Variants in ABCC1 observed in about 807,000 individuals in gnomAD.
ABCC1 encodes multidrug resistance-associated protein 1.
A neutral mutation model predicts 172.9 loss-of-function variants in ABCC1; 83 were observed. That is an observed-to-expected ratio of 0.48 (90% CI 0.40 to 0.58). The LOEUF (loss-of-function observed/expected upper bound fraction) is 0.58, where lower values mean the gene tolerates loss of function less well. Among genes scored for constraint, ABCC1 ranks in the 20% least tolerant of loss-of-function variants. The pLI is 0.00. For missense variants in ABCC1, 1,817 were observed against 2,002.7 expected (o/e 0.91, Z 1.77); for synonymous variants, 937 against 825.2 (o/e 1.14, Z -2.32).
At chr16:15,956,812 G>T (rs2046008162) in intron 1 of ABCC1, among the ~76,000 whole-genome samples, 1 of 152,140 alleles carries the variant, frequency 6.6e-6, no homozygotes, top group Non-Finnish European at 1.5e-5. Flanking sequence ...TAAGGAGGAG[G>T]AGGAAGGGGA....
At chr16:16,032,098 C>G (rs1567330824) in intron 5 of ABCC1, among the ~76,000 whole-genome samples, 1 of 152,060 alleles carries the variant, frequency 6.6e-6, no homozygotes, top group Non-Finnish European at 1.5e-5. Context: ...TCAAGCGATT[C>G]TCTTGCCTCA....
At chr16:16,052,412 T>C (rs951086832) in intron 10 of ABCC1, among the ~76,000 whole-genome samples, 19 of 149,972 alleles carry the variant, frequency 1.3e-4, no homozygotes, top group Admixed American at 7.4e-4. Flanking sequence ...CTGGGCAACA[T>C]AGCGAGACCT....
chr16:16,021,195 A>G (rs1209937465), intron 5 of ABCC1, among the ~76,000 whole-genome samples: 3 of 152,318 alleles, frequency 2.0e-5, no homozygotes, highest in South Asian at 2.1e-4. Context: ...GAGGCCTCAC[A>G]GGACATCAGA....
At chr16:16,103,257 A>G (rs1207713073) in intron 20 of ABCC1, among the ~76,000 whole-genome samples, 2 of 152,126 alleles carry the variant, frequency 1.3e-5, no homozygotes, top group Non-Finnish European at 2.9e-5. Context: ...TAGCGTATGC[A>G]GTATATTAAC....
chr16:15,980,923 G>A (rs28852806), intron 1 of ABCC1, among the ~76,000 whole-genome samples: 1 of 152,184 alleles, frequency 6.6e-6, no homozygotes, highest in Non-Finnish European at 1.5e-5. Flanking sequence ...AGATACAATA[G>A]GAGTACAAGC....
At chr16:16,035,397 T>C (rs1181822360) in intron 6 of ABCC1, among the ~76,000 whole-genome samples, 1 of 152,122 alleles carries the variant, frequency 6.6e-6, no homozygotes, top group Admixed American at 6.6e-5. Flanking sequence ...GAAAGATTAA[T>C]ATAATAAAAC....
chr16:15,966,143 G>A (rs1259241964), intron 1 of ABCC1, among the ~76,000 whole-genome samples: 2 of 151,970 alleles, frequency 1.3e-5, no homozygotes, highest in African/African-American at 2.4e-5. Flanking sequence ...AGCAGGGCGC[G>A]GTGGCTCACG....
At chr16:16,069,523 T>C (rs1365270581) in intron 13 of ABCC1, among the ~76,000 whole-genome samples, 7 of 152,114 alleles carry the variant, frequency 4.6e-5, no homozygotes, top group Non-Finnish European at 7.3e-5. Flanking sequence ...CTGCACTGTT[T>C]TCACATTCTT....
At chr16:16,030,972 C>G (rs1040547892) in intron 5 of ABCC1, among the ~76,000 whole-genome samples, 2 of 152,040 alleles carry the variant, frequency 1.3e-5, no homozygotes, top group African/African-American at 2.4e-5. Context: ...CTCAGCCTCC[C>G]GAGTAGCTGA....
At chr16:16,037,861 C>T (rs937113427) in intron 7 of ABCC1, among the ~76,000 whole-genome samples, 3 of 152,200 alleles carry the variant, frequency 2.0e-5, no homozygotes, top group Admixed American at 2.0e-4. Context: ...TGACTCCGGT[C>T]GGAGGCTGTT....
rs1271937100 is a variant in ABCC1 at position 16,044,627 on chromosome 16, C to A, written c.987C>A (p.Phe329Leu). Residue 329 changes from phenylalanine (F) to leucine (L), a missense_variant, in exon 8 of 31, where the codon TTC becomes TTA. Coordinates refer to ENST00000399410, the MANE Select transcript of ABCC1 (RefSeq NM_004996.4). ...TTGGGCCCTACTTCCTCATGAGCTT[C>A]TTCTTCAAGGCCATCCACGACCTGA... ...KTFGPYFLMS[F>L]FFKAIHDLMM... 1 of 1,614,160 alleles carries A rather than the reference C, an allele frequency of 6.2e-7. No individual in the cohort carries two copies. The highest frequency in any genetic ancestry group is 1.1e-5 in the South Asian group (1 of 91,086).
At chr16:16,116,655 C>A (rs1037470903) in intron 23 of ABCC1, among the ~76,000 whole-genome samples, 1 of 151,984 alleles carries the variant, frequency 6.6e-6, no homozygotes, top group Non-Finnish European at 1.5e-5. Flanking sequence ...ATCTGCCTCC[C>A]GGGTTCAAGT....
intron 20 of ABCC1, chr16:16,106,474 G>C (rs896281166): frequency 4.2e-5 from 13 of 312,946 alleles, no homozygotes; most frequent in Non-Finnish European, 7.5e-5. Context: ...CTTTTTGCAG[G>C]CCCCCAGAGA....
chr16:16,141,387 C>A lies in ABCC1; in HGVS notation c.*106C>A. 1 of 1,040,324 alleles carries A rather than the reference C, an allele frequency of 9.6e-7. No homozygotes were observed. The highest frequency in any genetic ancestry group is 1.4e-6 in the Non-Finnish European group (1 of 702,142). 64.4% of individuals were successfully genotyped at this position (1,040,324 alleles called of 1,614,324 possible). On this transcript the variant is annotated 3_prime_UTR_variant, in exon 31 of 31. Transcript: ENST00000399410. ...CAAGCCTCCCACACTGAAACCAAAACATAAAAACCAAACCCAGACAACCAA... is the reference window on the plus strand; with the variant it reads ...CAAGCCTCCCACACTGAAACCAAAAAATAAAAACCAAACCCAGACAACCAA...
chr16:15,963,375 A>T (rs2046178788), intron 1 of ABCC1, among the ~76,000 whole-genome samples: 1 of 152,170 alleles, frequency 6.6e-6, no homozygotes, highest in East Asian at 1.9e-4. Flanking sequence ...TGGGTTCTGG[A>T]TGGTGGCCCT....
At chr16:16,037,350 T>C (rs1363413535) in intron 7 of ABCC1, among the ~76,000 whole-genome samples, 1 of 152,170 alleles carries the variant, frequency 6.6e-6, no homozygotes, top group African/African-American at 2.4e-5. Flanking sequence ...CTACCCCCTA[T>C]GTAAGGCGTG....
chr16:16,007,214 TTGTGTGTG>T (rs71388788), intron 1 of ABCC1, among the ~76,000 whole-genome samples: 24 of 145,774 alleles, frequency 1.6e-4, no homozygotes, highest in Admixed American at 1.2e-3. Context: ...GTATGCACTG[TTGTGTGTG>T]TGTGTGTGTG....
At chr16:16,053,656 G>A (rs1001006413) in intron 11 of ABCC1, among the ~76,000 whole-genome samples, 9 of 151,250 alleles carry the variant, frequency 6.0e-5, no homozygotes, top group African/African-American at 1.9e-4. Context: ...ATGTGGTGAT[G>A]CGTGCCTGTA....
At chr16:15,957,566 T>C (rs1398678467) in intron 1 of ABCC1, among the ~76,000 whole-genome samples, 1 of 152,166 alleles carries the variant, frequency 6.6e-6, no homozygotes, top group Non-Finnish European at 1.5e-5. Context: ...TGGCTTGATT[T>C]TAATTATAGG....
Sources: allele counts gnomAD v4.1 joint callset (sites outside exome capture counted in the v4.1 genomes callset), GRCh38; gene constraint gnomAD v4.1.1; transcripts MANE v1.5; gene names NCBI Gene and HGNC (gene_info 2026-07-23, HGNC 2026-07-21).